COL8A1: variants seen among roughly 807,000 people sequenced by gnomAD.
COL8A1 encodes collagen type VIII alpha 1 chain.
COL8A1 carries 21 observed loss-of-function variants against 42.7 expected under a neutral mutation model. That is an observed-to-expected ratio of 0.49 (90% CI 0.35 to 0.71). The LOEUF (loss-of-function observed/expected upper bound fraction) is 0.71, where lower values mean the gene tolerates loss of function less well. COL8A1 is among the 30% of genes least tolerant of loss of function. The pLI, the probability that COL8A1 is intolerant of heterozygous loss-of-function variation, is 0.01. For missense variants in COL8A1, 788 were observed against 962.4 expected, an observed-to-expected ratio of 0.82 and a Z score of 2.40; for synonymous variants, 367 against 369.1, an observed-to-expected ratio of 0.99 and a Z score of 0.06.
chr3:99,668,266 C>A (rs1363698552), intron 1 of COL8A1, among the ~76,000 whole-genome samples: 1 of 152,088 alleles, frequency 6.6e-6, no homozygotes, highest in Non-Finnish European at 1.5e-5. Flanking sequence ...GTTTTCGGTC[C>A]ATTTAATTAG....
intron 1 of COL8A1, among the ~76,000 whole-genome samples, chr3:99,729,815 T>C (rs756203579): frequency 1.3e-5 from 2 of 152,028 alleles, no homozygotes; most frequent in Non-Finnish European, 2.9e-5. Context: ...CCAAATCAGA[T>C]GTACTACTCT....
At chr3:99,664,597 G>A (rs1938307131) in intron 1 of COL8A1, among the ~76,000 whole-genome samples, 1 of 152,128 alleles carries the variant, frequency 6.6e-6, no homozygotes, top group African/African-American at 2.4e-5. Flanking sequence ...TCCCAGCTCA[G>A]TGCCCTGTTG....
rs1410702494 is a variant in COL8A1 at position 99,749,978 on chromosome 3, TATTA to T, written c.-4+4961_-4+4964del. 6.6e-5 allele frequency among the ~76,000 whole-genome samples: 10 copies of T among 151,620 alleles called. No individual in the cohort carries two copies. The South Asian group carries it at 1.5e-3, about 22-fold the overall frequency. On this transcript the variant is annotated intron_variant, in intron 2 of 3. Transcript: ENST00000652472. ...TAAAATTATGCATGAGTTAACTATA[TATTA>T]ATTGTTTAAAGAATATTTCAAAATA...
In COL8A1 at chr3:99,795,590, CCCTCCAGGA is replaced by C. The variant is rs1470827661; in HGVS notation, c.1701_1709del (p.Gly569_Pro571del). On this transcript the variant is annotated inframe_deletion, in exon 4 of 4. Coordinates refer to ENST00000652472, the MANE Select transcript of COL8A1 (RefSeq NM_020351.4). The stretch of plus-strand genomic sequence containing the variant: ...AGCCTGGCCTTCCAGGACCCCCAGG[CCCTCCAGGA>C]CCTCCAGGACCCCCAGCTGTGATGC... The C allele has an allele frequency of 3.7e-6, 6 of 1,610,950 alleles. No homozygotes were observed. The highest frequency in any genetic ancestry group is 1.7e-4 in the Middle Eastern group (1 of 5,928).
intron 1 of COL8A1, among the ~76,000 whole-genome samples, chr3:99,701,841 CT>C (rs1211075229): frequency 6.6e-6 from 1 of 152,140 alleles, no homozygotes; most frequent in Non-Finnish European, 1.5e-5. Context: ...ATCCCATGCT[CT>C]TTTCACATAG....
At chr3:99,671,105 A>C (rs1938530738) in intron 1 of COL8A1, among the ~76,000 whole-genome samples, 1 of 152,062 alleles carries the variant, frequency 6.6e-6, no homozygotes, top group African/African-American at 2.4e-5. Flanking sequence ...AAAATTTTTA[A>C]AAGAATATGG....
At chr3:99,734,107 A>C (rs148457146) in intron 1 of COL8A1, among the ~76,000 whole-genome samples, 8,098 of 151,842 alleles carry the variant, frequency 0.053, 690 homozygotes, top group African/African-American at 0.18. Context: ...GCTGCCTGTT[A>C]ACTCTGATGG....
intron 2 of COL8A1, among the ~76,000 whole-genome samples, chr3:99,757,136 T>C (rs1251221886): frequency 1.3e-5 from 2 of 152,174 alleles, no homozygotes; most frequent in African/African-American, 4.8e-5. Context: ...AAATCTTTGT[T>C]GAATAAAGAA....
At chr3:99,670,964 GTT>G (rs1332119673) in intron 1 of COL8A1, among the ~76,000 whole-genome samples, 1 of 151,316 alleles carries the variant, frequency 6.6e-6, no homozygotes, top group African/African-American at 2.4e-5. Flanking sequence ...GTGTGTGTGT[GTT>G]TGTGTGTGTG....
chr3:99,640,247 T>G (rs1937480097), intron 1 of COL8A1, among the ~76,000 whole-genome samples: 1 of 152,240 alleles, frequency 6.6e-6, no homozygotes, highest in African/African-American at 2.4e-5. Flanking sequence ...CCTGAGCATA[T>G]TAACATACCT....
intron 1 of COL8A1, among the ~76,000 whole-genome samples, chr3:99,654,834 G>A (rs1937962435): frequency 6.6e-6 from 1 of 151,728 alleles, no homozygotes; most frequent in African/African-American, 2.4e-5. Context: ...ACAAGCTATA[G>A]TGGAAGATAT....
chr3:99,681,293 G>GA lies in COL8A1; in HGVS notation c.-129+42637dup, dbSNP rs575673515. On this transcript the variant is annotated intron_variant, in intron 1 of 3. Transcript: ENST00000652472. Reference sequence around the variant, plus strand: ...GCAAAGAACTTAAACAAATTTACAAGAAAAAAAATCAAACAACCCCATCAA... The same window carrying GA: ...GCAAAGAACTTAAACAAATTTACAAGAAAAAAAAATCAAACAACCCCATCAA... Among the ~76,000 whole-genome samples the GA allele has an allele frequency of 1.7e-3, 257 of 151,888 alleles. 3 individuals are homozygous for GA. Among genetic ancestry groups the GA allele is most frequent in the African/African-American group, 6.0e-3 (247 of 41,436 alleles).
In COL8A1 at chr3:99,698,469, A is replaced by T. The variant is rs547038181; in HGVS notation, c.-128-46428A>T. Among the ~76,000 whole-genome samples the T allele has an allele frequency of 2.6e-5, 4 of 152,350 alleles. No homozygotes were observed. In the South Asian group the frequency reaches 8.3e-4, roughly 32 times the overall value. On this transcript the variant is annotated intron_variant, in intron 1 of 3. Coordinates refer to ENST00000652472, the MANE Select transcript of COL8A1 (RefSeq NM_020351.4). Reference sequence around the variant, plus strand: ...TGGCCAGCTCAGAATACAAATATTTATGTAAGAGAAATAGCAGAATTGATG... The same window carrying T: ...TGGCCAGCTCAGAATACAAATATTTTTGTAAGAGAAATAGCAGAATTGATG...
chr3:99,732,134 CA>C (rs1318373583), intron 1 of COL8A1, among the ~76,000 whole-genome samples: 1 of 151,942 alleles, frequency 6.6e-6, no homozygotes, highest in Non-Finnish European at 1.5e-5. Flanking sequence ...TGTTTTAAGG[CA>C]AAAACTAATA....
At chr3:99,776,490 G>T (rs1941695173) in intron 2 of COL8A1, among the ~76,000 whole-genome samples, 1 of 152,154 alleles carries the variant, frequency 6.6e-6, no homozygotes, top group Non-Finnish European at 1.5e-5. Context: ...GAGCTCAGGG[G>T]AATGGGTCAT....
intron 2 of COL8A1, among the ~76,000 whole-genome samples, chr3:99,750,962 G>T (rs1288131786): frequency 1.3e-5 from 2 of 152,206 alleles, no homozygotes; most frequent in Non-Finnish European, 2.9e-5. Context: ...TCCTAAGTGT[G>T]TAAAATGTCA....
At chr3:99,748,223 A>G (rs1576461685) in intron 2 of COL8A1, among the ~76,000 whole-genome samples, 1 of 152,144 alleles carries the variant, frequency 6.6e-6, no homozygotes, top group African/African-American at 2.4e-5. Context: ...CCACATTGCC[A>G]CCCTCTGGCA....
intron 1 of COL8A1, among the ~76,000 whole-genome samples, chr3:99,671,845 G>A (rs1342178139): frequency 6.6e-6 from 1 of 151,984 alleles, no homozygotes; most frequent in Non-Finnish European, 1.5e-5. Context: ...AATGAGATCA[G>A]TATGTCAAGA....
At chr3:99,707,026 TA>T (rs1257459595) in intron 1 of COL8A1, 4 of 152,078 alleles carry the variant, frequency 2.6e-5, no homozygotes, top group African/African-American at 9.7e-5. Flanking sequence ...CATAGTAAGA[TA>T]AAATAGATGA....
Sources: allele counts gnomAD v4.1 joint callset (sites outside exome capture counted in the v4.1 genomes callset), GRCh38; gene constraint gnomAD v4.1.1; transcripts MANE v1.5; gene names NCBI Gene and HGNC (gene_info 2026-07-23, HGNC 2026-07-21).